The following NOX4 variants were observed in gnomAD, a reference collection of about 807,000 sequenced individuals.
NOX4 encodes the protein kidney oxidase-1.
In NOX4, 69 loss-of-function variants were observed where a neutral mutation model predicts 87.6. The observed-to-expected ratio is 0.79, with a 90% CI of 0.65 to 0.96. NOX4 has a LOEUF of 0.96. Ranked by LOEUF, NOX4 falls within the 40% of genes least tolerant of loss-of-function variation. NOX4 has a pLI of 0.00. For missense variants in NOX4, 680 were observed against 681.5 expected (o/e 1.00, Z 0.02); for synonymous variants, 275 against 238.2 (o/e 1.15, Z -1.42).
At position 89,400,290 on chromosome 11, in the gene NOX4, A is replaced by T; in HGVS notation, c.936T>A (p.Ile312=). The T allele has an allele frequency of 1.2e-6, 2 of 1,612,962 alleles. No homozygotes were observed. Among genetic ancestry groups the T allele is most frequent in the Non-Finnish European group, 1.7e-6 (2 of 1,179,290 alleles). Residue 312 remains isoleucine, a synonymous_variant, in exon 10 of 18, where the codon ATT becomes ATA. Transcript: ENST00000263317. ...YIRSNKPVTI[I]SVMSHPSDVM... ...CATCTGAGGGATGACTCATGACCGA[A>T]ATGATGGTGACTGGCTTATTGCTCC...
intron 13 of NOX4, among the ~76,000 whole-genome samples, chr11:89,348,915 A>G (rs1173027714): frequency 1.3e-5 from 2 of 152,216 alleles, no homozygotes; most frequent in African/African-American, 4.8e-5. Flanking sequence ...TTATAGAGGA[A>G]TAGTAAGAAT....
intron 8 of NOX4, among the ~76,000 whole-genome samples, chr11:89,410,180 G>C (rs1224469892): frequency 3.3e-5 from 5 of 152,102 alleles, no homozygotes; most frequent in Non-Finnish European, 7.3e-5. Context: ...AATCAAAATA[G>C]TTAAGATTTA....
rs1945179148 is a variant in NOX4 at position 89,325,213 on chromosome 11, C to G, written c.*1543G>C. 6.7e-6 allele frequency: 1 copy of G among 148,642 alleles called. No homozygotes were observed. Among genetic ancestry groups the G allele is most frequent in the Non-Finnish European group, 1.5e-5 (1 of 67,620 alleles). The allele number at this position is 148,642 out of a possible 1,614,324, so 9.2% of individuals were successfully genotyped here. Reference sequence around the variant, plus strand: ...AATCTTGGCTCACTGCAACCTCCGCCCACCGGGTTCAAGCGATTCTTTGCC... The same window carrying G: ...AATCTTGGCTCACTGCAACCTCCGCGCACCGGGTTCAAGCGATTCTTTGCC... On this transcript the variant is annotated 3_prime_UTR_variant, in exon 18 of 18. Coordinates refer to ENST00000263317, the MANE Select transcript of NOX4 (RefSeq NM_016931.5).
chr11:89,464,841 A>C (rs1945608155), intron 2 of NOX4, among the ~76,000 whole-genome samples: 1 of 152,218 alleles, frequency 6.6e-6, no homozygotes, highest in Non-Finnish European at 1.5e-5. Flanking sequence ...TTTGTTATGA[A>C]CTAAATGCCG....
chr11:89,452,359 A>T (rs1000578537), intron 2 of NOX4, among the ~76,000 whole-genome samples: 22 of 152,064 alleles, frequency 1.4e-4, no homozygotes, highest in Admixed American at 3.9e-4. Flanking sequence ...ACCCATTTAC[A>T]CACCACAGCT....
intron 13 of NOX4, among the ~76,000 whole-genome samples, chr11:89,353,782 C>T (rs1422369619): frequency 6.6e-6 from 1 of 152,104 alleles, no homozygotes; most frequent in African/African-American, 2.4e-5. Flanking sequence ...CAGCCTCTGC[C>T]AACAGCCACT....
intron 8 of NOX4, among the ~76,000 whole-genome samples, chr11:89,411,425 T>C (rs1046791688): frequency 6.6e-6 from 1 of 151,944 alleles, no homozygotes; most frequent in Non-Finnish European, 1.5e-5. Context: ...CAAGCAAGGT[T>C]CCCTGATTCC....
At chr11:89,450,264 A>C (rs531357666) in intron 3 of NOX4, among the ~76,000 whole-genome samples, 50 of 152,192 alleles carry the variant, frequency 3.3e-4, no homozygotes, top group Non-Finnish European at 6.8e-4. Context: ...AAAAGGAAAG[A>C]GTTTCTAAAT....
chr11:89,489,057 C>G (rs2099646325), intron 2 of NOX4: 1 of 696,030 alleles, frequency 1.4e-6, no homozygotes, highest in East Asian at 2.7e-5. Flanking sequence ...TTTTTTTCAA[C>G]CCATTGGCTT....
rs535367121 is a variant in NOX4, at chr11:89,464,281, C to T, written c.154-12386G>A. On this transcript the variant is annotated intron_variant, in intron 2 of 17. Transcript: ENST00000263317. Reference sequence around the variant, plus strand: ...TCAACTTCTTTACGATTCTGCAAAACCCAACTGGAAATTTTACCAAGAACC... The same window carrying T: ...TCAACTTCTTTACGATTCTGCAAAATCCAACTGGAAATTTTACCAAGAACC... Among the ~76,000 whole-genome samples, 162 of 152,150 alleles carry T rather than the reference C, an allele frequency of 1.1e-3. 1 individual carries two copies. Among genetic ancestry groups the T allele is most frequent in the Non-Finnish European group, 1.9e-3 (126 of 67,952 alleles).
chr11:89,582,783 G>A, the NOX4 span, among the ~76,000 whole-genome samples: 2 of 152,252 alleles, frequency 1.3e-5, no homozygotes, highest in South Asian at 4.1e-4. Flanking sequence ...GTTTCTCCTG[G>A]AATCCTGAAT....
At chr11:89,341,997 T>G in intron 14 of NOX4, 77 bp downstream of exon 14, 2 of 1,248,760 alleles carry the variant, frequency 1.6e-6, no homozygotes, top group Non-Finnish European at 2.2e-6. Flanking sequence ...AAGGAATTAT[T>G]TTATACTAAA....
chr11:89,402,681 G>A, intron 8 of NOX4, 139 bp from the exon 9 acceptor site: 1 of 703,212 alleles, frequency 1.4e-6, no homozygotes, highest in Non-Finnish European at 2.3e-6. Flanking sequence ...TGTTCCTTAT[G>A]TATTATGTTT....
At chr11:89,572,407 C>T in the NOX4 span, among the ~76,000 whole-genome samples, 2 of 152,200 alleles carry the variant, frequency 1.3e-5, no homozygotes, top group East Asian at 1.9e-4. Flanking sequence ...AAGAAACATT[C>T]TGTATGATTT....
At chr11:89,348,188 G>A (rs1330092220) in intron 13 of NOX4, among the ~76,000 whole-genome samples, 1 of 152,152 alleles carries the variant, frequency 6.6e-6, no homozygotes, top group Non-Finnish European at 1.5e-5. Context: ...GGTCAAGGCA[G>A]GCGGATCACC....
chr11:89,380,915 T>C (rs1940238479), intron 11 of NOX4, among the ~76,000 whole-genome samples: 1 of 152,166 alleles, frequency 6.6e-6, no homozygotes. Flanking sequence ...CAAAACAATT[T>C]TTAAGATTTA....
At chr11:89,462,270 T>A (rs1945505586) in intron 2 of NOX4, among the ~76,000 whole-genome samples, 1 of 152,154 alleles carries the variant, frequency 6.6e-6, no homozygotes, top group South Asian at 2.1e-4. Context: ...TAGGGAGATT[T>A]AATATTGTAA....
At chr11:89,337,226 G>A (rs1945755189) in intron 16 of NOX4, among the ~76,000 whole-genome samples, 1 of 151,990 alleles carries the variant, frequency 6.6e-6, no homozygotes, top group Non-Finnish European at 1.5e-5. Flanking sequence ...GTGAAGAGGG[G>A]AGGGGCAGAC....
intron 12 of NOX4, among the ~76,000 whole-genome samples, chr11:89,359,153 A>G (rs1938317056): frequency 6.6e-6 from 1 of 152,088 alleles, no homozygotes; most frequent in South Asian, 2.1e-4. Flanking sequence ...ATTAATTTGC[A>G]TTCTCTGGTT....
Sources: gnomAD v4.1 joint callset for allele counts (sites outside exome capture counted in the v4.1 genomes callset) on GRCh38, gnomAD v4.1.1 for gene constraint, MANE v1.5 for transcripts, NCBI Gene and HGNC (gene_info 2026-07-23, HGNC 2026-07-21) for gene names.